ROBO2: variants seen among roughly 807,000 people sequenced by gnomAD.
ROBO2 encodes the protein roundabout homolog 2.
In ROBO2, 53 loss-of-function variants were observed where a neutral mutation model predicts 160.8. The observed-to-expected ratio is 0.33, with a 90% CI of 0.26 to 0.41. The LOEUF is 0.41. Ranked by LOEUF, ROBO2 falls within the 10% of genes least tolerant of loss-of-function variation. The pLI, the probability that ROBO2 is intolerant of heterozygous loss-of-function variation, is 1.00. For missense variants in ROBO2, 1,577 were observed against 1,722.4 expected (o/e 0.92, Z 1.49); for synonymous variants, 664 against 611.7 (o/e 1.09, Z -1.26).
chr3:76,497,564 G>A (rs1453420993), intron 2 of ROBO2, among the ~76,000 whole-genome samples: 2 of 152,130 alleles, frequency 1.3e-5, no homozygotes, highest in African/African-American at 2.4e-5. Flanking sequence ...CTTGTGTGAC[G>A]GTTAATTTTA....
chr3:76,771,634 A>G (rs1246512803), intron 2 of ROBO2, among the ~76,000 whole-genome samples: 1 of 151,290 alleles, frequency 6.6e-6, no homozygotes, highest in Non-Finnish European at 1.5e-5. Flanking sequence ...GTATTTAAGT[A>G]TCATAAACTG....
chr3:76,252,832 T>C (rs967936928), intron 2 of ROBO2, among the ~76,000 whole-genome samples: 1 of 151,454 alleles, frequency 6.6e-6, no homozygotes, highest in Admixed American at 6.6e-5. Flanking sequence ...TTGAAGGAAT[T>C]CACTCACGGG....
At chr3:77,382,111 A>AT (rs2073554678) in intron 2 of ROBO2, among the ~76,000 whole-genome samples, 1 of 152,236 alleles carries the variant, frequency 6.6e-6, no homozygotes, top group Admixed American at 6.5e-5. Context: ...ACACATGAAA[A>AT]TGAAGGTTAC....
chr3:77,444,482 A>G (rs1300845270), intron 2 of ROBO2, among the ~76,000 whole-genome samples: 2 of 152,208 alleles, frequency 1.3e-5, no homozygotes, highest in Non-Finnish European at 2.9e-5. Flanking sequence ...TCAATGACAT[A>G]CCAGTTTCTG....
chr3:76,203,063 C>G (rs1228222404), intron 2 of ROBO2, among the ~76,000 whole-genome samples: 1 of 152,114 alleles, frequency 6.6e-6, no homozygotes, highest in Non-Finnish European at 1.5e-5. Flanking sequence ...ATTCCTGACT[C>G]AAATGTATGT....
At chr3:77,459,989 A>G (rs774838664) in intron 2 of ROBO2, among the ~76,000 whole-genome samples, 8 of 152,042 alleles carry the variant, frequency 5.3e-5, no homozygotes, top group Admixed American at 3.9e-4. Flanking sequence ...AAAGATGTTA[A>G]CATTTATTTT....
chr3:76,318,306 C>T (rs1307889421), intron 2 of ROBO2, among the ~76,000 whole-genome samples: 4 of 152,102 alleles, frequency 2.6e-5, no homozygotes, highest in South Asian at 2.1e-4. Context: ...TGTTGGGAAG[C>T]GTATGTTCTT....
At chr3:76,250,787 C>A (rs570606321) in intron 2 of ROBO2, among the ~76,000 whole-genome samples, 1 of 152,142 alleles carries the variant, frequency 6.6e-6, no homozygotes, top group Non-Finnish European at 1.5e-5. Context: ...TACCCATTTT[C>A]TCTAATAAAT....
rs145434911 is a variant in ROBO2, at chr3:76,522,507, G to T, written c.110-575507G>T. The stretch of plus-strand genomic sequence containing the variant: ...CAAGTTTGAAAATACAAACAGACAA[G>T]TTCTTTTCTTCTTTATAAATAAGTT... On this transcript the variant is annotated intron_variant, in intron 2 of 26. Transcript: ENST00000487694. Among the ~76,000 whole-genome samples the T allele has an allele frequency of 4.8e-3, 735 of 152,224 alleles. 5 individuals carry two copies. The highest frequency in any genetic ancestry group is 0.017 in the African/African-American group (719 of 41,556).
At chr3:76,801,576 A>C (rs2108856153) in intron 2 of ROBO2, among the ~76,000 whole-genome samples, 1 of 131,086 alleles carries the variant, frequency 7.6e-6, no homozygotes, top group South Asian at 2.3e-4. Context: ...TGTATCCATA[A>C]AGTTTTTTTT....
At chr3:77,597,089 T>G (rs564650341) in intron 19 of ROBO2, among the ~76,000 whole-genome samples, 98 of 151,992 alleles carry the variant, frequency 6.4e-4, no homozygotes, top group African/African-American at 2.1e-3. Context: ...GGACTAGAGG[T>G]TTCCCTTCTC....
intron 2 of ROBO2, among the ~76,000 whole-genome samples, chr3:77,316,344 A>C (rs147054764): frequency 6.6e-6 from 1 of 152,294 alleles, no homozygotes; most frequent in South Asian, 2.1e-4. Context: ...CATTCAGATG[A>C]GTTTGTAACA....
chr3:76,036,257 C>G (rs1471767244), intron 2 of ROBO2, among the ~76,000 whole-genome samples: 4 of 151,874 alleles, frequency 2.6e-5, no homozygotes, highest in Non-Finnish European at 5.9e-5. Context: ...TCAAGTGATT[C>G]TCCTGCCTCA....
chr3:76,418,243 G>A (rs955164640), intron 2 of ROBO2, among the ~76,000 whole-genome samples: 5 of 151,758 alleles, frequency 3.3e-5, no homozygotes, highest in African/African-American at 1.2e-4. Flanking sequence ...GAGAGAGAGA[G>A]AGAGAGGGAG....
At chr3:77,512,053 GAA>G (rs2089459083) in intron 5 of ROBO2, among the ~76,000 whole-genome samples, 1 of 151,900 alleles carries the variant, frequency 6.6e-6, no homozygotes, top group Non-Finnish European at 1.5e-5. Context: ...TAGATAAAAA[GAA>G]AAGTGTGACC....
At chr3:77,016,771 A>G (rs2062290914) in intron 2 of ROBO2, among the ~76,000 whole-genome samples, 1 of 152,198 alleles carries the variant, frequency 6.6e-6, no homozygotes, top group Non-Finnish European at 1.5e-5. Context: ...AGTATACGTC[A>G]CTAAAATCTC....
chr3:76,048,229 A>G (rs1488471310), intron 2 of ROBO2, among the ~76,000 whole-genome samples: 1 of 152,200 alleles, frequency 6.6e-6, no homozygotes, highest in Admixed American at 6.5e-5. Flanking sequence ...CTCTTAACCT[A>G]TATGCACACT....
chr3:76,395,486 G>A (rs199816819), intron 2 of ROBO2, among the ~76,000 whole-genome samples: 1 of 132,202 alleles, frequency 7.6e-6, no homozygotes. Context: ...CAGAACTGAA[G>A]GAAATAGAGA....
At chr3:76,733,325 T>C (rs774598) in intron 2 of ROBO2, among the ~76,000 whole-genome samples, 30,016 of 152,148 alleles carry the variant, frequency 0.2, 3,019 homozygotes, top group Non-Finnish European at 0.22. Flanking sequence ...CATTTCCCTA[T>C]GACTCTCAGG....
Sources: gnomAD v4.1 joint callset for allele counts (sites outside exome capture counted in the v4.1 genomes callset) on GRCh38, gnomAD v4.1.1 for gene constraint, MANE v1.5 for transcripts, NCBI Gene and HGNC (gene_info 2026-07-23, HGNC 2026-07-21) for gene names.